The following C1orf116 variants were observed in gnomAD, a reference collection of about 807,000 sequenced individuals.
The protein encoded by C1orf116 is specifically androgen-regulated gene protein.
A neutral mutation model predicts 14.1 loss-of-function variants in C1orf116; 12 were observed. That is an observed-to-expected ratio of 0.85 (90% CI 0.54 to 1.38). The LOEUF is 1.38. Among genes scored for constraint, C1orf116 ranks in the 40% most tolerant of loss-of-function variants. The probability of loss-of-function intolerance (pLI) is 0.00; values close to 1 mark genes in which losing one functional copy is unlikely to be tolerated. For synonymous variants in C1orf116, 296 were observed against 299.0 expected, an observed-to-expected ratio of 0.99 and a Z score of 0.10; for missense variants, 797 against 747.0, an observed-to-expected ratio of 1.07 and a Z score of -0.78.
rs769974867 is a variant in C1orf116, at chr1:207,023,181, C to T, written c.583G>A (p.Val195Met). The T allele has an allele frequency of 1.2e-5, 19 of 1,609,096 alleles. No homozygotes were observed. Among genetic ancestry groups the T allele is most frequent in the East Asian group, 8.9e-5 (4 of 44,856 alleles). The change falls in exon 4 of 4, where the codon GTG becomes ATG. Residue 195 changes from valine (V) to methionine (M), a missense_variant. Transcript: ENST00000359470. ...SPQEAALDLDVVLIPPPEAFR... is the reference protein window; with the variant it reads ...SPQEAALDLDMVLIPPPEAFR... ...GCTTCTGGCGGAGGGATGAGCACCA[C>T]GTCCAAGTCAAGGGCAGCCTCCTGG... is the stretch of plus-strand genomic sequence containing the variant.
In C1orf116 at chr1:207,027,756, G is replaced by A. The variant is rs555608694; in HGVS notation, c.-81-77C>T. The A allele has an allele frequency of 6.8e-5, 96 of 1,414,188 alleles. No individual in the cohort carries two copies. The South Asian group carries it at 8.9e-4, about 13-fold the overall frequency. 87.6% of individuals were successfully genotyped at this position (1,414,188 alleles called of 1,614,324 possible). ...CTGCCCAGGCCCTGGGCGGCATGGCGGGAAGGACACCAAGCAAGCAGAGAG... is the reference window on the plus strand; with the variant it reads ...CTGCCCAGGCCCTGGGCGGCATGGCAGGAAGGACACCAAGCAAGCAGAGAG... On this transcript the variant is annotated intron_variant, in intron 1 of 3. Coordinates refer to ENST00000359470, the MANE Select transcript of C1orf116 (RefSeq NM_023938.6).
intron 2 of C1orf116, among the ~76,000 whole-genome samples, chr1:207,026,187 G>A (rs1682067613): frequency 6.6e-6 from 1 of 152,200 alleles, no homozygotes. Context: ...CTGGAGGGAG[G>A]GGAGAGGGTT....
At position 207,027,670 on chromosome 1, in the gene C1orf116, C is replaced by G; in HGVS notation, c.-72G>C. On this transcript the variant is annotated 5_prime_UTR_variant, in exon 2 of 4. Transcript: ENST00000359470. The stretch of plus-strand genomic sequence containing the variant: ...AAGCGAGGGGAAGTGAACAATGTCC[C>G]AAGCCGGGCCTGAAAAGAGAAGAAT... The G allele has an allele frequency of 6.3e-7, 1 of 1,579,162 alleles. No homozygotes were observed. Among genetic ancestry groups the G allele is most frequent in the Non-Finnish European group, 8.6e-7 (1 of 1,165,970 alleles).
At position 207,020,301 on chromosome 1, in the gene C1orf116, A is replaced by G. The variant is rs1388861414; in HGVS notation, c.*1657T>C. ...ACAGGGTGGAGTATTTGTTGTCCTT[A>G]TGTTAACCTTGTCACCGTTTTCAGA... On this transcript the variant is annotated 3_prime_UTR_variant, in exon 4 of 4. Transcript: ENST00000359470. 3.3e-5 allele frequency: 5 copies of G among 152,186 alleles called. No individual in the cohort carries two copies. The highest frequency in any genetic ancestry group is 5.9e-5 in the Non-Finnish European group (4 of 68,048). 9.4% of individuals were successfully genotyped at this position (152,186 alleles called of 1,614,324 possible).
At chr1:207,029,750 T>C (rs1682190202) in intron 1 of C1orf116, among the ~76,000 whole-genome samples, 1 of 152,214 alleles carries the variant, frequency 6.6e-6, no homozygotes, top group African/African-American at 2.4e-5. Flanking sequence ...TATGAGCACC[T>C]AATAATAGGC....
At chr1:207,024,549 C>T (rs1441866218) in intron 3 of C1orf116, among the ~76,000 whole-genome samples, 2 of 152,214 alleles carry the variant, frequency 1.3e-5, no homozygotes, top group Non-Finnish European at 2.9e-5. Context: ...TCAGTCTCTC[C>T]AGAGCCAACC....
At chr1:207,023,542 C>T (rs1293540001) in intron 3 of C1orf116, 62 bp from the exon 4 acceptor site, 11 of 1,510,050 alleles carry the variant, frequency 7.3e-6, no homozygotes, top group Non-Finnish European at 9.7e-6. Flanking sequence ...AGGTGAGGGC[C>T]CTGCTGCAGA....
chr1:207,029,212 A>G (rs756881465), intron 1 of C1orf116, among the ~76,000 whole-genome samples: 1 of 151,966 alleles, frequency 6.6e-6, no homozygotes, highest in Non-Finnish European at 1.5e-5. Flanking sequence ...TGGGGGGAAA[A>G]CAGGAGAGAT....
intron 3 of C1orf116, 106 bp downstream of exon 3, chr1:207,024,781 G>T: frequency 7.3e-7 from 1 of 1,364,632 alleles, no homozygotes; most frequent in Non-Finnish European, 1.0e-6. Context: ...ACCTTCTTCT[G>T]CCTGTGACCC....
chr1:207,028,896 T>C (rs1465241999), intron 1 of C1orf116, among the ~76,000 whole-genome samples: 1 of 152,246 alleles, frequency 6.6e-6, no homozygotes, highest in East Asian at 1.9e-4. Context: ...TGATTCTAAA[T>C]CCATATTTTC....
chr1:207,031,785 C>A (rs1393554945), intron 1 of C1orf116, among the ~76,000 whole-genome samples: 1 of 152,204 alleles, frequency 6.6e-6, no homozygotes, highest in Non-Finnish European at 1.5e-5. Context: ...TGGCTTGAGC[C>A]CCACTTGGAA....
At chr1:207,027,872 A>T (rs1682132139) in intron 1 of C1orf116, among the ~76,000 whole-genome samples, 193 bp from the exon 2 acceptor site, 1 of 152,226 alleles carries the variant, frequency 6.6e-6, no homozygotes, top group Non-Finnish European at 1.5e-5. Context: ...AGAAGGACAG[A>T]CTTAGTTGGT....
chr1:207,032,144 A>G (rs542040988), intron 1 of C1orf116, among the ~76,000 whole-genome samples: 31 of 152,306 alleles, frequency 2.0e-4, no homozygotes, highest in Admixed American at 1.8e-3. Flanking sequence ...ATCGACACCG[A>G]GTTGGTAAAG....
At chr1:207,028,718 T>G (rs943575938) in intron 1 of C1orf116, among the ~76,000 whole-genome samples, 5 of 152,200 alleles carry the variant, frequency 3.3e-5, no homozygotes, top group African/African-American at 1.2e-4. Context: ...CCTCTGAAAG[T>G]CCCAAGGATT....
rs1681931052 is a variant in C1orf116, at chr1:207,022,837, G to T, written c.927C>A (p.Ser309Arg). Residue 309 changes from serine (S) to arginine (R), a missense_variant, in exon 4 of 4, where the codon AGC becomes AGA. Physicochemically the swap from Ser to Arg is moderately radical, Grantham distance 110. Transcript: ENST00000359470. ...RKLPPNIVLK[S>R]SRSSFHSDPQ... ...GGTCACTGTGGAAACTGCTTCGGCTGCTCTTCAGAACAATATTAGGTGGCA... is the reference window on the plus strand; with the variant it reads ...GGTCACTGTGGAAACTGCTTCGGCTTCTCTTCAGAACAATATTAGGTGGCA... 1 of 1,613,940 alleles carries T rather than the reference G, an allele frequency of 6.2e-7. No homozygotes were observed. Among genetic ancestry groups the T allele is most frequent in the Admixed American group, 1.7e-5 (1 of 59,994 alleles).
In C1orf116 at chr1:207,023,324, C is replaced by T; in HGVS notation, c.440G>A (p.Arg147Lys). Residue 147 changes from arginine to lysine, a missense_variant, in exon 4 of 4, where the codon AGG (arginine) becomes AAG (lysine). Coordinates refer to ENST00000359470, the MANE Select transcript of C1orf116 (RefSeq NM_023938.6). ...NIHIARSQNF[R>K]KSTTQASSHN... is the part of the protein sequence containing the mutation. ...ACTGCTAGCCTGGGTGGTGCTTTTC[C>T]TGAAGTTCTGGCTTCTGGCAATGTG... 6.2e-7 allele frequency: 1 copy of T among 1,614,182 alleles called. No individual in the cohort carries two copies. The highest frequency in any genetic ancestry group is 8.5e-7 in the Non-Finnish European group (1 of 1,180,012).
rs6693011 is a variant in C1orf116, at chr1:207,022,390, C to T, written c.1374G>A (p.Pro458=). Residue 458 remains proline, a synonymous_variant, in exon 4 of 4, where the codon CCG becomes CCA. Coordinates refer to ENST00000359470, the MANE Select transcript of C1orf116 (RefSeq NM_023938.6). ...GGAGAGTCAGCCCTGACTCTGGCTT[C>T]GGTGGAGTCAGGGCACTGTTTGCCC... ...APRANSALTP[P]KPESGLTLQE... is the part of the protein sequence containing the mutation. 0.019 allele frequency: 30,424 copies of T among 1,614,032 alleles called. 4,209 individuals carry two copies. In the African/African-American group the frequency reaches 0.33, roughly 17 times the overall value.
intron 1 of C1orf116, among the ~76,000 whole-genome samples, chr1:207,031,745 TCTC>T (rs2102307639): frequency 6.6e-6 from 1 of 152,132 alleles, no homozygotes; most frequent in East Asian, 1.9e-4. Flanking sequence ...CTGGTCTGCT[TCTC>T]TGTCTGTGGA....
chr1:207,022,761 G>A lies in C1orf116; in HGVS notation c.1003C>T (p.Leu335=), dbSNP rs769153212. The A allele has an allele frequency of 1.9e-6, 3 of 1,614,100 alleles. No homozygotes were observed. Among genetic ancestry groups the A allele is most frequent in the African/African-American group, 2.7e-5 (2 of 74,930 alleles). ...HTEAAPGDSG[L]ISCSLQEQRK... is the part of the protein sequence containing the mutation. ...TGCTCTTGCAGTGAACAGGAGATCA[G>A]GCCAGAATCTCCAGGGGCAGCCTCA... The change falls in exon 4 of 4, where the codon CTG becomes TTG. Residue 335 remains leucine, a synonymous_variant. Transcript: ENST00000359470.
Sources: allele counts gnomAD v4.1 joint callset (sites outside exome capture counted in the v4.1 genomes callset), GRCh38; gene constraint gnomAD v4.1.1; transcripts MANE v1.5; gene names NCBI Gene and HGNC (gene_info 2026-07-23, HGNC 2026-07-21).